Variants in ABHD17C observed in about 807,000 individuals in gnomAD.
ABHD17C encodes abhydrolase domain containing 17C, depalmitoylase.
ABHD17C carries 11 observed loss-of-function variants against 27.9 expected under a neutral mutation model. That is an observed-to-expected ratio of 0.39 (90% CI 0.25 to 0.65). The LOEUF is 0.65. Ranked by LOEUF, ABHD17C falls within the 30% of genes least tolerant of loss-of-function variation. The pLI is 0.45. For missense variants in ABHD17C, 280 were observed against 470.2 expected (o/e 0.60, Z 3.74); for synonymous variants, 233 against 209.1 (o/e 1.11, Z -0.98).
rs8032800 is a variant in ABHD17C at position 80,738,252 on chromosome 15, G to A, written c.591-11261G>A. Among the ~76,000 whole-genome samples, 1,194 of 152,272 alleles carry A rather than the reference G, an allele frequency of 7.8e-3. 14 individuals are homozygous for A. The highest frequency in any genetic ancestry group is 0.031 in the Middle Eastern group (9 of 294). ...GACACCAGGTCAGTAGTCAAGAACCGTAACACCTGCTTCCTTCTCAACCAT... is the reference window on the plus strand; with the variant it reads ...GACACCAGGTCAGTAGTCAAGAACCATAACACCTGCTTCCTTCTCAACCAT... On this transcript the variant is annotated intron_variant, in intron 1 of 2. Transcript: ENST00000258884.
chr15:80,735,538 C>T (rs891717273), intron 1 of ABHD17C, among the ~76,000 whole-genome samples: 3 of 152,160 alleles, frequency 2.0e-5, no homozygotes, highest in African/African-American at 7.2e-5. Context: ...AGCCTTTCCA[C>T]ACTCTGTTTC....
At chr15:80,739,119 G>C (rs976001794) in intron 1 of ABHD17C, among the ~76,000 whole-genome samples, 7 of 152,208 alleles carry the variant, frequency 4.6e-5, no homozygotes, top group Non-Finnish European at 1.0e-4. Flanking sequence ...GGGAACCAGA[G>C]GAGAACATTT....
At chr15:80,754,119 C>T (rs767098882) in intron 2 of ABHD17C, 32 bp from the exon 3 acceptor site, 1 of 1,541,364 alleles carries the variant, frequency 6.5e-7, no homozygotes, top group Non-Finnish European at 9.0e-7. Context: ...TAATGGAGTC[C>T]TCTTTCTGCC....
Position 80,755,143 on chromosome 15 carries a change from T to C in ABHD17C, c.*773T>C, listed in dbSNP as rs1596076503. 2.0e-5 allele frequency: 3 copies of C among 152,214 alleles called. No individual in the cohort carries two copies. The South Asian group carries it at 6.2e-4, about 32-fold the overall frequency. The allele number at this position is 152,214 out of a possible 1,614,324, so 9.4% of individuals were successfully genotyped here. Reference sequence around the variant, plus strand: ...AATCACATTGTGCATAGATTCTTAATGGTAGATATGATTTCTTTTGTCAGG... The same window carrying C: ...AATCACATTGTGCATAGATTCTTAACGGTAGATATGATTTCTTTTGTCAGG... On this transcript the variant is annotated 3_prime_UTR_variant, in exon 3 of 3. Transcript: ENST00000258884.
chr15:80,752,922 G>T (rs965164519), intron 2 of ABHD17C, among the ~76,000 whole-genome samples: 1 of 152,198 alleles, frequency 6.6e-6, no homozygotes, highest in Non-Finnish European at 1.5e-5. Context: ...TTCATCCTTT[G>T]AGAGTAGATT....
chr15:80,739,123 A>G (rs1213231852), intron 1 of ABHD17C, among the ~76,000 whole-genome samples: 2 of 152,190 alleles, frequency 1.3e-5, no homozygotes, highest in African/African-American at 2.4e-5. Context: ...ACCAGAGGAG[A>G]ACATTTTCAG....
chr15:80,695,790 G>A lies in ABHD17C; in HGVS notation c.361G>A (p.Gly121Ser). 1.3e-6 allele frequency: 2 copies of A among 1,548,526 alleles called. No homozygotes were observed. Among genetic ancestry groups the A allele is most frequent in the South Asian group, 1.2e-5 (1 of 85,346 alleles). ...FSRTARDNRL[G>S]CMFVRCAPSS... Reference sequence around the variant, plus strand: ...GCGCACGGCCCGGGACAACCGGCTCGGCTGCATGTTCGTGCGCTGCGCGCC... The same window carrying A: ...GCGCACGGCCCGGGACAACCGGCTCAGCTGCATGTTCGTGCGCTGCGCGCC... Residue 121 changes from glycine to serine, a missense_variant, in exon 1 of 3, where the codon GGC becomes AGC. Physicochemically the swap from Gly to Ser is moderately conservative, Grantham distance 56 (BLOSUM62 0). Coordinates refer to ENST00000258884, the MANE Select transcript of ABHD17C (RefSeq NM_021214.2). This position sits in a 1 kb window ranked among gnomAD's most constrained non-coding sequence, Gnocchi z 4.3.
At chr15:80,720,263 G>C (rs966446556) in intron 1 of ABHD17C, among the ~76,000 whole-genome samples, 2 of 151,328 alleles carry the variant, frequency 1.3e-5, no homozygotes, top group Non-Finnish European at 2.9e-5. Context: ...CCAGGACTCA[G>C]GGATCACCTG....
At position 80,750,667 on chromosome 15, in the gene ABHD17C, G is replaced by A. The variant is rs537800811; in HGVS notation, c.770+975G>A. 7.2e-5 allele frequency among the ~76,000 whole-genome samples: 11 copies of A among 152,288 alleles called. No individual in the cohort carries two copies. The South Asian group carries it at 1.0e-3, about 14-fold the overall frequency. ...GGTGAACTTCAGTTTTGTGCAGTTT[G>A]TACCAGGATTCAATGAGATTCGGCT... On this transcript the variant is annotated intron_variant, in intron 2 of 2. Transcript: ENST00000258884.
At chr15:80,705,247 G>A (rs533363993) in intron 1 of ABHD17C, 2 of 151,620 alleles carry the variant, frequency 1.3e-5, no homozygotes, top group African/African-American at 2.4e-5. Context: ...ACTGATTCTG[G>A]CTCTTATGTC....
chr15:80,710,454 G>A (rs1317993003), intron 1 of ABHD17C, among the ~76,000 whole-genome samples: 1 of 152,208 alleles, frequency 6.6e-6, no homozygotes, highest in Non-Finnish European at 1.5e-5. Flanking sequence ...ATCACTCTGT[G>A]TTAATGACAA....
intron 1 of ABHD17C, among the ~76,000 whole-genome samples, chr15:80,734,671 T>C (rs552492347): frequency 3.9e-4 from 60 of 152,308 alleles, no homozygotes; most frequent in Admixed American, 5.9e-4. Context: ...AAAGGGTATA[T>C]GGTAGGAGAG....
rs1467261549 is a variant in ABHD17C at position 80,695,600 on chromosome 15, G to A, written c.171G>A (p.Pro57=). 4 of 1,123,752 alleles carry A rather than the reference G, an allele frequency of 3.6e-6. No homozygotes were observed. Among genetic ancestry groups the A allele is most frequent in the Non-Finnish European group, 4.3e-6 (4 of 920,936 alleles). 69.6% of individuals were successfully genotyped at this position (1,123,752 alleles called of 1,614,324 possible). A position where few individuals can be genotyped will look rare whatever the true frequency, so the allele number is the denominator to read the frequency against. ...PEQRGAGASA[P]APAQATAAAA... is the part of the protein sequence containing the mutation. ...AGCGCGGCGCCGGCGCGTCCGCCCCGGCCCCGGCCCAGGCTACCGCCGCCG... is the reference window on the plus strand; with the variant it reads ...AGCGCGGCGCCGGCGCGTCCGCCCCAGCCCCGGCCCAGGCTACCGCCGCCG... The change falls in exon 1 of 3, where the codon CCG becomes CCA. Residue 57 remains proline (P), a synonymous_variant. Coordinates refer to ENST00000258884, the MANE Select transcript of ABHD17C (RefSeq NM_021214.2). This position sits in a 1 kb window ranked among gnomAD's most constrained non-coding sequence, Gnocchi z 4.3.
intron 1 of ABHD17C, among the ~76,000 whole-genome samples, chr15:80,747,023 A>G (rs973847878): frequency 1.3e-5 from 2 of 152,194 alleles, no homozygotes; most frequent in African/African-American, 2.4e-5. Context: ...ATTCAGTATT[A>G]ATCATCTCTT....
At chr15:80,737,401 C>T (rs1895145956) in intron 1 of ABHD17C, among the ~76,000 whole-genome samples, 1 of 152,056 alleles carries the variant, frequency 6.6e-6, no homozygotes, top group Admixed American at 6.5e-5. Flanking sequence ...ATTATATGTC[C>T]ACTGGAATGA....
At chr15:80,745,801 A>G (rs1025839825) in intron 1 of ABHD17C, among the ~76,000 whole-genome samples, 1 of 152,208 alleles carries the variant, frequency 6.6e-6, no homozygotes, top group African/African-American at 2.4e-5. Flanking sequence ...TATGAATCTT[A>G]GTGTCCATGT....
At chr15:80,731,653 A>G (rs914540962) in intron 1 of ABHD17C, among the ~76,000 whole-genome samples, 2 of 143,376 alleles carry the variant, frequency 1.4e-5, no homozygotes, top group African/African-American at 4.9e-5. Flanking sequence ...GTATATTTTT[A>G]TAATCTTTTT....
intron 1 of ABHD17C, among the ~76,000 whole-genome samples, chr15:80,742,815 G>C (rs574888697): frequency 1.3e-5 from 2 of 152,122 alleles, no homozygotes; most frequent in South Asian, 4.1e-4. Context: ...GAGTGACTCC[G>C]GGTCTCAGAG....
intron 1 of ABHD17C, among the ~76,000 whole-genome samples, chr15:80,707,562 G>A (rs1206589665): frequency 6.6e-6 from 1 of 150,758 alleles, no homozygotes; most frequent in Non-Finnish European, 1.5e-5. Flanking sequence ...TAGCTGATGA[G>A]CCCCCCCTCA....
Sources: allele counts gnomAD v4.1 joint callset (sites outside exome capture counted in the v4.1 genomes callset), GRCh38; gene constraint gnomAD v4.1.1; non-coding constraint Gnocchi (gnomAD v3.1); transcripts MANE v1.5; gene names NCBI Gene and HGNC (gene_info 2026-07-23, HGNC 2026-07-21).